SBF2: variants seen among roughly 807,000 people sequenced by gnomAD.
The protein encoded by SBF2 is myotubularin-related protein 13.
A neutral mutation model predicts 225.2 loss-of-function variants in SBF2; 112 were observed. The observed-to-expected ratio is 0.50, with a 90% CI of 0.43 to 0.58. The LOEUF (loss-of-function observed/expected upper bound fraction) is 0.58, where lower values mean the gene tolerates loss of function less well. Ranked by LOEUF, SBF2 falls within the 20% of genes least tolerant of loss-of-function variation. The pLI is 0.00. For missense variants in SBF2, 1,996 were observed against 2,206.2 expected (o/e 0.90, Z 1.91); for synonymous variants, 763 against 773.3 (o/e 0.99, Z 0.22).
At chr11:10,099,827 C>T (rs1374723958) in intron 2 of SBF2, among the ~76,000 whole-genome samples, 1 of 151,974 alleles carries the variant, frequency 6.6e-6, no homozygotes, top group Non-Finnish European at 1.5e-5. Context: ...CAAACACACA[C>T]ACACACCTCT....
chr11:10,209,307 T>G lies in SBF2; in HGVS notation c.56-15320A>C, dbSNP rs1015947431. Among the ~76,000 whole-genome samples, 7 of 85,868 alleles carry G rather than the reference T, an allele frequency of 8.2e-5. No individual in the cohort carries two copies. In the South Asian group the frequency reaches 1.0e-3, roughly 13 times the overall value. 56.3% of individuals were successfully genotyped at this position (85,868 alleles called of 152,430 possible). A position where few individuals can be genotyped will look rare whatever the true frequency, so the allele number is the denominator to read the frequency against. ...CTACAATGCTCTCCTCTCCACAAAT[T>G]TGTTTTTTTTTTTTTCCCATCTCTA... On this transcript the variant is annotated intron_variant, in intron 1 of 39. Transcript: ENST00000256190.
chr11:9,912,237 G>A (rs1346812749), intron 16 of SBF2, among the ~76,000 whole-genome samples: 2 of 147,362 alleles, frequency 1.4e-5, no homozygotes, highest in East Asian at 2.0e-4. Context: ...GCTTGAACCT[G>A]GGATGCGGAG....
intron 6 of SBF2, among the ~76,000 whole-genome samples, chr11:10,025,043 T>C (rs1949000121): frequency 6.6e-6 from 1 of 152,208 alleles, no homozygotes; most frequent in African/African-American, 2.4e-5. Context: ...CTAGAGCCCC[T>C]GTGGTTCTTT....
At chr11:9,840,224 A>G (rs1220574097) in intron 25 of SBF2, among the ~76,000 whole-genome samples, 1 of 147,620 alleles carries the variant, frequency 6.8e-6, no homozygotes, top group African/African-American at 2.5e-5. Context: ...ACCGAGCGAG[A>G]CTTTGTCTCA....
At chr11:10,196,860 A>AT (rs1288978130) in intron 1 of SBF2, among the ~76,000 whole-genome samples, 287 of 13,632 alleles carry the variant, frequency 0.021, 6 homozygotes, top group East Asian at 0.032. Context: ...ATATATATAT[A>AT]TATATATTTT....
Position 10,196,866 on chromosome 11 carries a change from A to ATATTTTTTTT in SBF2, c.56-2880_56-2879insAAAAAAAATA. Among the ~76,000 whole-genome samples, 223 of 99,270 alleles carry ATATTTTTTTT rather than the reference A, an allele frequency of 2.2e-3. 3 individuals carry two copies. Among genetic ancestry groups the ATATTTTTTTT allele is most frequent in the Non-Finnish European group, 3.6e-3 (184 of 50,682 alleles). The allele number at this position is 99,270 out of a possible 152,430, so 65.1% of individuals were successfully genotyped here. On this transcript the variant is annotated intron_variant, in intron 1 of 39. Coordinates refer to ENST00000256190, the MANE Select transcript of SBF2 (RefSeq NM_030962.4). ...TATATATATATATATATATATATAT[A>ATATTTTTTTT]TTTTTTTTTTCCTACAAAATGAATA...
intron 16 of SBF2, among the ~76,000 whole-genome samples, chr11:9,951,604 T>C (rs768565148): frequency 1.3e-5 from 2 of 152,200 alleles, no homozygotes; most frequent in Non-Finnish European, 2.9e-5. Flanking sequence ...AATTTACTAG[T>C]TGTGTGATTT....
At chr11:10,192,296 T>C (rs1197835639) in intron 2 of SBF2, among the ~76,000 whole-genome samples, 1 of 152,162 alleles carries the variant, frequency 6.6e-6, no homozygotes, top group Non-Finnish European at 1.5e-5. Flanking sequence ...TTACCCCCTC[T>C]GTAGGCCTAC....
chr11:9,788,037 C>T lies in SBF2; in HGVS notation c.4933-299G>A, dbSNP rs190050819. The T allele has an allele frequency of 3.1e-4, 127 of 409,342 alleles. 1 individual carries two copies. The highest frequency in any genetic ancestry group is 4.7e-4 in the Non-Finnish European group (103 of 218,584). 25.4% of individuals were successfully genotyped at this position (409,342 alleles called of 1,614,324 possible). A position where few individuals can be genotyped will look rare whatever the true frequency, so the allele number is the denominator to read the frequency against. Reference sequence around the variant, plus strand: ...TCAGACATCTGCACCCTTGGGCAGCCCATGGGAAATCTGATAGCCAAAGCA... The same window carrying T: ...TCAGACATCTGCACCCTTGGGCAGCTCATGGGAAATCTGATAGCCAAAGCA... On this transcript the variant is annotated intron_variant, in intron 35 of 39. Coordinates refer to ENST00000256190, the MANE Select transcript of SBF2 (RefSeq NM_030962.4).
At chr11:9,972,361 A>G (rs1400872644) in intron 13 of SBF2, among the ~76,000 whole-genome samples, 1 of 152,156 alleles carries the variant, frequency 6.6e-6, no homozygotes, top group East Asian at 1.9e-4. Context: ...TTCTCTGCAT[A>G]TTCTATGGCA....
At chr11:9,860,664 A>G (rs1206863031) in intron 17 of SBF2, among the ~76,000 whole-genome samples, 6 of 152,088 alleles carry the variant, frequency 3.9e-5, no homozygotes, top group Non-Finnish European at 8.8e-5. Context: ...AATTCAAATG[A>G]GATAAAACTG....
chr11:9,877,475 C>T (rs1373100723), intron 17 of SBF2, among the ~76,000 whole-genome samples: 2 of 152,104 alleles, frequency 1.3e-5, no homozygotes, highest in East Asian at 3.8e-4. Flanking sequence ...TATACATGTG[C>T]CATGTTGGTT....
chr11:10,038,063 A>G (rs1414178782), intron 3 of SBF2, among the ~76,000 whole-genome samples: 1 of 152,000 alleles, frequency 6.6e-6, no homozygotes, highest in East Asian at 1.9e-4. Flanking sequence ...CTGATCTCCT[A>G]TACACAATAG....
Position 10,228,338 on chromosome 11 carries a change from G to A in SBF2, c.56-34351C>T, listed in dbSNP as rs984957384. Among the ~76,000 whole-genome samples the A allele has an allele frequency of 6.6e-5, 10 of 152,208 alleles. No homozygotes were observed. The South Asian group carries it at 2.1e-3, about 32-fold the overall frequency. ...TTCCTTCTCCTGCCTGATTGCCCTGGCCAGAACTTCCAACACTATGTTCAA... is the reference window on the plus strand; with the variant it reads ...TTCCTTCTCCTGCCTGATTGCCCTGACCAGAACTTCCAACACTATGTTCAA... On this transcript the variant is annotated intron_variant, in intron 1 of 39. Transcript: ENST00000256190.
chr11:9,931,554 A>T (rs1362393705), intron 16 of SBF2, among the ~76,000 whole-genome samples: 1 of 152,230 alleles, frequency 6.6e-6, no homozygotes, highest in Non-Finnish European at 1.5e-5. Flanking sequence ...GTTAAAAGGA[A>T]AACTAAACAA....
intron 1 of SBF2, among the ~76,000 whole-genome samples, chr11:10,200,114 T>G (rs370938523): frequency 2.6e-5 from 4 of 152,144 alleles, no homozygotes; most frequent in African/African-American, 9.7e-5. Context: ...AGGTTTTATA[T>G]ACATATGAAA....
chr11:10,102,955 T>C (rs1444791514), intron 2 of SBF2, among the ~76,000 whole-genome samples: 1 of 152,188 alleles, frequency 6.6e-6, no homozygotes, highest in African/African-American at 2.4e-5. Context: ...AATTTTTCTC[T>C]TTTGAAAAAG....
intron 17 of SBF2, 80 bp downstream of exon 17, chr11:9,895,863 T>G: frequency 1.9e-6 from 2 of 1,055,072 alleles, no homozygotes; most frequent in Non-Finnish European, 1.5e-6. Flanking sequence ...GACAGGATTT[T>G]CATGTAGTTC....
intron 16 of SBF2, among the ~76,000 whole-genome samples, chr11:9,924,616 G>C (rs34535499): frequency 6.6e-6 from 1 of 152,066 alleles, no homozygotes; most frequent in South Asian, 2.1e-4. Context: ...ATTTTTAGTA[G>C]AGACGAGGTT....
Sources: allele counts gnomAD v4.1 joint callset (sites outside exome capture counted in the v4.1 genomes callset), GRCh38; gene constraint gnomAD v4.1.1; transcripts MANE v1.5; gene names NCBI Gene and HGNC (gene_info 2026-07-23, HGNC 2026-07-21).